SECISBP2: variants seen among roughly 807,000 people sequenced by gnomAD.
SECISBP2 encodes SECIS binding protein 2, also known as selenocysteine insertion sequence-binding protein 2.
SECISBP2 carries 96 observed loss-of-function variants against 98.2 expected under a neutral mutation model. The observed-to-expected ratio is 0.98, with a 90% CI of 0.83 to 1.16. The LOEUF is 1.16. Among genes scored for constraint, SECISBP2 ranks in the 50% most tolerant of loss-of-function variants. The pLI is 0.00. For missense variants in SECISBP2, 1,046 were observed against 1,022.9 expected, an observed-to-expected ratio of 1.02 and a Z score of -0.31; for synonymous variants, 407 against 370.2, an observed-to-expected ratio of 1.10 and a Z score of -1.14.
intron 13 of SECISBP2, 89 bp from the exon 14 acceptor site, chr9:89,350,543 C>A: frequency 1.8e-6 from 2 of 1,138,170 alleles, no homozygotes; most frequent in South Asian, 2.5e-5. Flanking sequence ...CTGATGCAGT[C>A]TACGTCTCTT....
At chr9:89,336,938 A>C (rs1828841292) in intron 7 of SECISBP2, among the ~76,000 whole-genome samples, 1 of 151,532 alleles carries the variant, frequency 6.6e-6, no homozygotes, top group South Asian at 2.1e-4. Context: ...TGCCTGGCTA[A>C]TTTTTGTATT....
At chr9:89,330,467 G>A (rs1432164360) in intron 5 of SECISBP2, 3 of 152,234 alleles carry the variant, frequency 2.0e-5, no homozygotes, top group African/African-American at 7.2e-5. Context: ...TCACCCATTC[G>A]CTTTACCTCT....
chr9:89,319,860 T>C, intron 2 of SECISBP2, 63 bp downstream of exon 2: 3 of 1,545,056 alleles, frequency 1.9e-6, no homozygotes. Context: ...GTGATTAGAC[T>C]TTCAAATACT....
At chr9:89,357,586 C>T in intron 15 of SECISBP2, 21 bp downstream of exon 15, 10 of 1,612,324 alleles carry the variant, frequency 6.2e-6, no homozygotes, top group Non-Finnish European at 8.5e-6. Context: ...AGGGCACAGG[C>T]CTCTTCAGTC....
At chr9:89,356,770 G>T (rs1294221663) in intron 14 of SECISBP2, 2 of 156,148 alleles carry the variant, frequency 1.3e-5, no homozygotes, top group African/African-American at 4.8e-5. Context: ...CTATAGTCTT[G>T]TGCTGCTGTT....
intron 1 of SECISBP2, chr9:89,318,988 C>G: frequency 9.4e-7 from 1 of 1,068,118 alleles, no homozygotes; most frequent in Non-Finnish European, 1.1e-6. Flanking sequence ...ATTCTCCGCT[C>G]TACGTACTCA....
At chr9:89,321,250 TAG>T (rs1825756844) in intron 2 of SECISBP2, among the ~76,000 whole-genome samples, 1 of 152,232 alleles carries the variant, frequency 6.6e-6, no homozygotes, top group African/African-American at 2.4e-5. Context: ...AGCCATCTGC[TAG>T]GTGGTATTTA....
rs1440157420 is a variant in SECISBP2 at position 89,319,670 on chromosome 9, G to C, written c.55G>C (p.Asp19His). Residue 19 changes from aspartate (D) to histidine (H), a missense_variant, in exon 2 of 17, where the codon GAT (aspartate) becomes CAT (histidine). Transcript: ENST00000375807. The stretch of plus-strand genomic sequence containing the variant: ...TCCTCAGGGCATCAAGTTATCAGCA[G>C]ATGTCAAACCATTTGTCCCCAGATT... ...PESEGIKLSADVKPFVPRFAG... is the reference protein window; with the variant it reads ...PESEGIKLSAHVKPFVPRFAG... 1.2e-6 allele frequency: 2 copies of C among 1,614,070 alleles called. No individual in the cohort carries two copies. Among genetic ancestry groups the C allele is most frequent in the East Asian group, 2.2e-5 (1 of 44,898 alleles).
At chr9:89,353,414 C>A (rs904230428) in intron 14 of SECISBP2, among the ~76,000 whole-genome samples, 1 of 152,170 alleles carries the variant, frequency 6.6e-6, no homozygotes, top group Non-Finnish European at 1.5e-5. Context: ...ATCCTCTCAC[C>A]ACCATTAGAT....
At chr9:89,363,644 C>A, downstream of SECISBP2, 1 of 1,589,012 alleles carries the variant, frequency 6.3e-7, no homozygotes, top group South Asian at 1.1e-5. Context: ...AGAATGCCAC[C>A]GTGCAAGCAT....
In SECISBP2 at chr9:89,328,884, A is replaced by AAGGTG; in HGVS notation, c.801+7_801+11dup. 2 of 1,610,304 alleles carry AAGGTG rather than the reference A, an allele frequency of 1.2e-6. No individual in the cohort carries two copies. Among genetic ancestry groups the AAGGTG allele is most frequent in the Non-Finnish European group, 8.5e-7 (1 of 1,176,578 alleles). On this transcript the variant is annotated frameshift_variant and splice_region_variant, in exon 5 of 17. Coordinates refer to ENST00000375807, the MANE Select transcript of SECISBP2 (RefSeq NM_024077.5). LOFTEE classifies it high-confidence loss of function. ...AGTAAAACCAGCTGCAGTGTTATCA[A>AAGGTG]AGGTGAGGTGAGGGTTTCTCTCTTT...
intron 9 of SECISBP2, among the ~76,000 whole-genome samples, chr9:89,340,980 T>C (rs1252044786): frequency 6.6e-6 from 1 of 152,040 alleles, no homozygotes; most frequent in Non-Finnish European, 1.5e-5. Flanking sequence ...GGAGAGAGAA[T>C]GGGCTAATGA....
intron 12 of SECISBP2, 82 bp from the exon 13 acceptor site, chr9:89,349,694 C>T (rs1235568094): frequency 9.6e-6 from 14 of 1,452,368 alleles, no homozygotes; most frequent in East Asian, 9.1e-5. Flanking sequence ...CTGGTTGCAT[C>T]GGTGAGACTG....
chr9:89,362,466 C>T (rs201255540), downstream of SECISBP2: 46 of 1,613,990 alleles, frequency 2.9e-5, no homozygotes, highest in Admixed American at 5.2e-4. Flanking sequence ...CTTGGTGGAA[C>T]GGATGGGCCT....
chr9:89,337,466 C>A (rs896352307), intron 7 of SECISBP2, among the ~76,000 whole-genome samples: 1 of 152,208 alleles, frequency 6.6e-6, no homozygotes, highest in Non-Finnish European at 1.5e-5. Context: ...CCTTCATTAG[C>A]AATCTGGCAT....
downstream of SECISBP2, chr9:89,363,307 C>A: frequency 1.4e-6 from 2 of 1,413,236 alleles, no homozygotes; most frequent in East Asian, 2.4e-5. Flanking sequence ...GAAACTGCTC[C>A]GGGGCTAAGA....
intron 7 of SECISBP2, among the ~76,000 whole-genome samples, chr9:89,336,963 G>A (rs1367547946): frequency 2.0e-5 from 3 of 151,706 alleles, no homozygotes; most frequent in Admixed American, 1.3e-4. Context: ...TAGTAGAGAC[G>A]GGGTTTCACC....
chr9:89,320,810 T>G (rs1006116219), intron 2 of SECISBP2, among the ~76,000 whole-genome samples: 1 of 151,418 alleles, frequency 6.6e-6, no homozygotes, highest in South Asian at 2.1e-4. Flanking sequence ...TTGTGTAGAT[T>G]TATTTGTAGA....
rs141853383 is a variant in SECISBP2, at chr9:89,318,530, G to C, written c.-47G>C. On this transcript the variant is annotated 5_prime_UTR_variant, in exon 1 of 17. Coordinates refer to ENST00000375807, the MANE Select transcript of SECISBP2 (RefSeq NM_024077.5). Reference sequence around the variant, plus strand: ...CGCTTTGTCTGTCCGGCAAGCCGACGGCCCGCTGCTGGCCTCCGTGACGCG... The same window carrying C: ...CGCTTTGTCTGTCCGGCAAGCCGACCGCCCGCTGCTGGCCTCCGTGACGCG... The C allele has an allele frequency of 0.029, 44,035 of 1,512,942 alleles. 934 individuals are homozygous for C. Among genetic ancestry groups the C allele is most frequent in the South Asian group, 0.089 (7,368 of 82,368 alleles). 93.7% of individuals were successfully genotyped at this position (1,512,942 alleles called of 1,614,324 possible).
Sources: gnomAD v4.1 joint callset for allele counts (sites outside exome capture counted in the v4.1 genomes callset) on GRCh38, gnomAD v4.1.1 for gene constraint, MANE v1.5 for transcripts, NCBI Gene and HGNC (gene_info 2026-07-23, HGNC 2026-07-21) for gene names.